Variants in CRYBG1 observed in about 807,000 individuals in gnomAD.
CRYBG1 encodes the protein crystallin beta-gamma domain containing 1, also known as beta/gamma crystallin domain-containing protein 1.
A neutral mutation model predicts 189.2 loss-of-function variants in CRYBG1; 139 were observed. The observed-to-expected ratio is 0.73, with a 90% CI of 0.64 to 0.85. CRYBG1 has a LOEUF of 0.85. CRYBG1 is among the 40% of genes least tolerant of loss of function. The pLI, the probability that CRYBG1 is intolerant of heterozygous loss-of-function variation, is 0.00. For synonymous variants in CRYBG1, 1,023 were observed against 1,017.1 expected, an observed-to-expected ratio of 1.01 and a Z score of -0.11; for missense variants, 2,611 against 2,675.8, an observed-to-expected ratio of 0.98 and a Z score of 0.53.
chr6:106,459,554 T>G (rs1582774928), intron 2 of CRYBG1, among the ~76,000 whole-genome samples: 1 of 151,752 alleles, frequency 6.6e-6, no homozygotes, highest in South Asian at 2.1e-4. Context: ...GGTTTTTTTT[T>G]TTTTTTTACT....
chr6:106,533,902 A>G (rs1033994593), intron 8 of CRYBG1, among the ~76,000 whole-genome samples: 1 of 152,210 alleles, frequency 6.6e-6, no homozygotes, highest in Non-Finnish European at 1.5e-5. Context: ...AAGAGAATGT[A>G]TTTAAACCAG....
At chr6:106,414,608 A>G (rs929390048) in intron 1 of CRYBG1, among the ~76,000 whole-genome samples, 3 of 152,240 alleles carry the variant, frequency 2.0e-5, no homozygotes, top group African/African-American at 7.2e-5. Flanking sequence ...TACTTGGTGT[A>G]TATTTTTGGC....
intron 2 of CRYBG1, among the ~76,000 whole-genome samples, chr6:106,465,300 A>G (rs1214254206): frequency 6.6e-6 from 1 of 152,216 alleles, no homozygotes; most frequent in Non-Finnish European, 1.5e-5. Context: ...TGGCCAAAAG[A>G]CCAGAGTTGC....
intron 13 of CRYBG1, among the ~76,000 whole-genome samples, chr6:106,548,499 G>C (rs1774315532): frequency 6.6e-6 from 1 of 152,170 alleles, no homozygotes; most frequent in African/African-American, 2.4e-5. Flanking sequence ...AAAAAGAACA[G>C]AGTACTGGCT....
At chr6:106,372,699 A>G (rs1770064301) in intron 1 of CRYBG1, among the ~76,000 whole-genome samples, 1 of 152,200 alleles carries the variant, frequency 6.6e-6, no homozygotes, top group Non-Finnish European at 1.5e-5. Context: ...ATAATTCTCA[A>G]TCTCTCCTAT....
intron 2 of CRYBG1, among the ~76,000 whole-genome samples, chr6:106,459,257 A>C (rs1165531603): frequency 6.6e-6 from 1 of 152,194 alleles, no homozygotes; most frequent in African/African-American, 2.4e-5. Context: ...CATATGTATA[A>C]ATAAACATAT....
chr6:106,475,434 G>T (rs1199000270), intron 2 of CRYBG1, among the ~76,000 whole-genome samples: 1 of 152,170 alleles, frequency 6.6e-6, no homozygotes, highest in African/African-American at 2.4e-5. Context: ...GGTAGTCAGG[G>T]AGGGCTCCTG....
rs71663353 is a variant in CRYBG1 at position 106,416,999 on chromosome 6, C to CTTTTTTTT, written c.174-34678_174-34671dup. On this transcript the variant is annotated intron_variant, in intron 1 of 21. Transcript: ENST00000633556. ...AGAACAAAGGCAATGATGGGATTTA[C>CTTTTTTTT]TTTTTTTTTTTTTTTTTTTTTTTTG... Among the ~76,000 whole-genome samples, 36 of 69,490 alleles carry CTTTTTTTT rather than the reference C, an allele frequency of 5.2e-4. 3 individuals carry two copies. The highest frequency in any genetic ancestry group is 1.7e-3 in the African/African-American group (26 of 15,690). 45.6% of individuals were successfully genotyped at this position (69,490 alleles called of 152,430 possible).
intron 3 of CRYBG1, among the ~76,000 whole-genome samples, 156 bp from the exon 4 acceptor site, chr6:106,518,975 G>GCGCA (rs1554188403): frequency 0.19 from 26,063 of 134,192 alleles, 2,452 homozygotes; most frequent in Non-Finnish European, 0.26. Flanking sequence ...ACATGTGTGC[G>GCGCA]CACACACACA....
chr6:106,562,273 TAG>T (rs1404023640), intron 20 of CRYBG1, among the ~76,000 whole-genome samples: 1 of 152,164 alleles, frequency 6.6e-6, no homozygotes, highest in Non-Finnish European at 1.5e-5. Flanking sequence ...TGGACATGCA[TAG>T]AAGAACTAGC....
At chr6:106,510,792 T>G (rs1261030862) in intron 2 of CRYBG1, among the ~76,000 whole-genome samples, 1 of 152,232 alleles carries the variant, frequency 6.6e-6, no homozygotes, top group African/African-American at 2.4e-5. Context: ...GCGGGATCAC[T>G]CGGGTGTTTG....
At chr6:106,441,966 A>T in intron 1 of CRYBG1, among the ~76,000 whole-genome samples, 1 of 152,198 alleles carries the variant, frequency 6.6e-6, no homozygotes, top group East Asian at 1.9e-4. Context: ...TAAGCACCAT[A>T]TTATGTGTAG....
intron 1 of CRYBG1, among the ~76,000 whole-genome samples, chr6:106,392,388 C>T (rs1437648837): frequency 6.6e-6 from 1 of 152,130 alleles, no homozygotes; most frequent in African/African-American, 2.4e-5. Context: ...ATTTCTCATC[C>T]TCTTTCTTAT....
rs138153919 is a variant in CRYBG1 at position 106,404,616 on chromosome 6, G to A, written c.173+43535G>A. ...AAGATGCCCAAATAGGAACAGCTCCGGTCTGCAGCTCTCAGTGAGATCAAC... is the reference window on the plus strand; with the variant it reads ...AAGATGCCCAAATAGGAACAGCTCCAGTCTGCAGCTCTCAGTGAGATCAAC... On this transcript the variant is annotated intron_variant, in intron 1 of 21. Transcript: ENST00000633556. 2.7e-3 allele frequency among the ~76,000 whole-genome samples: 410 copies of A among 151,028 alleles called. 1 individual carries two copies. Among genetic ancestry groups the A allele is most frequent in the African/African-American group, 9.5e-3 (390 of 41,100 alleles).
At position 106,487,522 on chromosome 6, in the gene CRYBG1, T is replaced by C. The variant is rs1772618563; in HGVS notation, c.313-23908T>C. ...GTCTGAGAAGTTCTTTTATTTCTCTTTCTAGTCTGTTGTTGAAGCTCTCAA... is the reference window on the plus strand; with the variant it reads ...GTCTGAGAAGTTCTTTTATTTCTCTCTCTAGTCTGTTGTTGAAGCTCTCAA... On this transcript the variant is annotated intron_variant, in intron 2 of 21. Transcript: ENST00000633556. Among the ~76,000 whole-genome samples, 3 of 152,230 alleles carry C rather than the reference T, an allele frequency of 2.0e-5. No homozygotes were observed. The South Asian group carries it at 6.2e-4, about 32-fold the overall frequency.
At chr6:106,567,422 G>C (rs960806024) in intron 21 of CRYBG1, among the ~76,000 whole-genome samples, 11 of 152,204 alleles carry the variant, frequency 7.2e-5, no homozygotes, top group Admixed American at 7.2e-4. Context: ...GAGAAGAGAC[G>C]ATTTCCTTCC....
At chr6:106,558,656 T>C (rs1582839579) in intron 18 of CRYBG1, 31 bp downstream of exon 18, 1 of 1,553,944 alleles carries the variant, frequency 6.4e-7, no homozygotes, top group Non-Finnish European at 8.7e-7. Flanking sequence ...CTCAATAAAA[T>C]AGATCATTTT....
intron 2 of CRYBG1, among the ~76,000 whole-genome samples, chr6:106,464,365 C>T (rs565900506): frequency 1.1e-4 from 17 of 151,942 alleles, no homozygotes; most frequent in South Asian, 8.3e-4. Flanking sequence ...TGTTGGTGCG[C>T]GCCTGTAATC....
chr6:106,539,155 A>T (rs1774073140), intron 8 of CRYBG1, among the ~76,000 whole-genome samples: 1 of 152,210 alleles, frequency 6.6e-6, no homozygotes, highest in Non-Finnish European at 1.5e-5. Flanking sequence ...GGAGCAATTA[A>T]TAATACAAAT....
Sources: allele counts gnomAD v4.1 joint callset (sites outside exome capture counted in the v4.1 genomes callset), GRCh38; gene constraint gnomAD v4.1.1; transcripts MANE v1.5; gene names NCBI Gene and HGNC (gene_info 2026-07-23, HGNC 2026-07-21).